The following TIAM2 variants were observed in gnomAD, a reference collection of about 807,000 sequenced individuals.
TIAM2 encodes the protein rho guanine nucleotide exchange factor TIAM2.
TIAM2 carries 80 observed loss-of-function variants against 152.9 expected under a neutral mutation model. That is an observed-to-expected ratio of 0.52 (90% CI 0.44 to 0.63). The LOEUF (loss-of-function observed/expected upper bound fraction) is 0.63. Ranked by LOEUF, TIAM2 falls within the 30% of genes least tolerant of loss-of-function variation. The pLI is 0.00. For missense variants in TIAM2, 1,965 were observed against 2,120.1 expected (o/e 0.93, Z 1.44); for synonymous variants, 804 against 838.0 (o/e 0.96, Z 0.70).
At chr6:155,028,864 A>AAT (rs1776713008) in intron 1 of TIAM2, among the ~76,000 whole-genome samples, 2 of 125,096 alleles carry the variant, frequency 1.6e-5, no homozygotes, top group African/African-American at 6.1e-5. Context: ...CACTGTATAT[A>AAT]CTATCTATAC....
chr6:155,188,127 C>T (rs1023381033), intron 14 of TIAM2, among the ~76,000 whole-genome samples: 7 of 152,308 alleles, frequency 4.6e-5, no homozygotes, highest in South Asian at 2.1e-4. Flanking sequence ...ATCTCTGTTG[C>T]GCATGTGTGT....
At chr6:155,016,911 C>T (rs1778599895) in intron 1 of TIAM2, among the ~76,000 whole-genome samples, 1 of 151,898 alleles carries the variant, frequency 6.6e-6, no homozygotes, top group Non-Finnish European at 1.5e-5. Context: ...AAATAAAAAT[C>T]AATAAATAAA....
chr6:155,152,792 C>T (rs965138282), intron 7 of TIAM2, among the ~76,000 whole-genome samples: 4 of 151,888 alleles, frequency 2.6e-5, no homozygotes, highest in Non-Finnish European at 4.4e-5. Flanking sequence ...CTGAGAGGCT[C>T]CTGGCCTGTT....
At chr6:155,044,531 T>C (rs927372329) in intron 1 of TIAM2, among the ~76,000 whole-genome samples, 4 of 152,174 alleles carry the variant, frequency 2.6e-5, no homozygotes, top group African/African-American at 9.7e-5. Flanking sequence ...GAAACTCATC[T>C]TGTGGCCAGG....
intron 15 of TIAM2, among the ~76,000 whole-genome samples, chr6:155,223,400 T>C (rs932782048): frequency 1.3e-5 from 2 of 152,168 alleles, no homozygotes; most frequent in Admixed American, 1.3e-4. Context: ...TTTATTTTTT[T>C]AATGTGCTAA....
intron 2 of TIAM2, among the ~76,000 whole-genome samples, chr6:155,093,402 G>T (rs1329866142): frequency 1.3e-5 from 2 of 152,186 alleles, no homozygotes; most frequent in Non-Finnish European, 2.9e-5. Context: ...TGTGGAAAGG[G>T]CGTCCTGTAC....
intron 2 of TIAM2, among the ~76,000 whole-genome samples, chr6:155,094,715 A>G (rs1212763970): frequency 6.8e-6 from 1 of 147,344 alleles, no homozygotes; most frequent in East Asian, 2.0e-4. Flanking sequence ...ATACCTGGCT[A>G]TATCTATGGT....
At chr6:155,243,899 T>C (rs1036129103) in intron 16 of TIAM2, 112 bp from the exon 17 acceptor site, 12 of 563,172 alleles carry the variant, frequency 2.1e-5, no homozygotes, top group Admixed American at 1.4e-4. Context: ...AGGCATAAAC[T>C]TCATTATCCT....
At chr6:155,134,946 C>T (rs1044074786) in intron 4 of TIAM2, among the ~76,000 whole-genome samples, 1 of 152,120 alleles carries the variant, frequency 6.6e-6, no homozygotes, top group African/African-American at 2.4e-5. Flanking sequence ...ACCTCATGAT[C>T]TGCCCACCTC....
At chr6:155,152,590 C>T (rs571080221) in intron 7 of TIAM2, among the ~76,000 whole-genome samples, 3 of 152,272 alleles carry the variant, frequency 2.0e-5, no homozygotes, top group South Asian at 2.1e-4. Context: ...TTCCAGGATC[C>T]GGCAGCCACA....
At chr6:155,027,979 T>C (rs1583157375) in intron 1 of TIAM2, among the ~76,000 whole-genome samples, 2 of 128,098 alleles carry the variant, frequency 1.6e-5, no homozygotes, top group East Asian at 4.3e-4. Context: ...ATAATATATG[T>C]ACTGTGTTAC....
At chr6:155,251,449 G>A (rs1783649450) in intron 22 of TIAM2, among the ~76,000 whole-genome samples, 1 of 151,992 alleles carries the variant, frequency 6.6e-6, no homozygotes, top group Non-Finnish European at 1.5e-5. Flanking sequence ...ACCACGCCCG[G>A]CTGATTTTTG....
At chr6:155,088,346 G>T (rs1319009783) in intron 1 of TIAM2, among the ~76,000 whole-genome samples, 1 of 152,116 alleles carries the variant, frequency 6.6e-6, no homozygotes, top group African/African-American at 2.4e-5. Flanking sequence ...CTCCCAAAGT[G>T]CTGGGATTAC....
At position 155,120,277 on chromosome 6, in the gene TIAM2, T is replaced by A. The variant is rs1351503857; in HGVS notation, c.-117-7213T>A. ...AATATGCATTTGGAAGGAGTCCCGC[T>A]GAATTCAAAGACGACCAGTGAGGCC... On this transcript the variant is annotated intron_variant, in intron 2 of 26. Coordinates refer to ENST00000682666, the MANE Select transcript of TIAM2 (RefSeq NM_012454.4). Among the ~76,000 whole-genome samples the A allele has an allele frequency of 1.3e-5, 2 of 152,260 alleles. 1 individual carries two copies. The highest frequency in any genetic ancestry group is 4.1e-4 in the South Asian group (2 of 4,832).
intron 15 of TIAM2, among the ~76,000 whole-genome samples, chr6:155,229,351 G>A (rs764121541): frequency 6.6e-6 from 1 of 152,162 alleles, no homozygotes; most frequent in South Asian, 2.1e-4. Context: ...AGAAGAACTT[G>A]AGACATTGAA....
At chr6:155,017,795 G>A (rs982823036) in intron 1 of TIAM2, among the ~76,000 whole-genome samples, 52 of 152,130 alleles carry the variant, frequency 3.4e-4, no homozygotes, top group Middle Eastern at 6.8e-3. Flanking sequence ...GAGCCACCAC[G>A]CCTGACTCTC....
chr6:155,240,311 G>A (rs1358191096), intron 15 of TIAM2, among the ~76,000 whole-genome samples: 5 of 152,228 alleles, frequency 3.3e-5, no homozygotes, highest in African/African-American at 9.6e-5. Flanking sequence ...GGAGAGCCTC[G>A]TGTGTAAACA....
chr6:155,240,339 C>T (rs554029812), intron 15 of TIAM2, among the ~76,000 whole-genome samples, 191 bp from the exon 16 acceptor site: 16 of 152,320 alleles, frequency 1.1e-4, no homozygotes, highest in South Asian at 6.2e-4. Context: ...TGAGTGTGGG[C>T]GCACATCTTC....
At chr6:155,244,961 A>T (rs1005527355) in intron 18 of TIAM2, 178 bp downstream of exon 18, 7 of 721,394 alleles carry the variant, frequency 9.7e-6, no homozygotes, top group Admixed American at 3.9e-5. Flanking sequence ...GGCTGTATAT[A>T]TTTTTTTTTC....
Sources: allele counts gnomAD v4.1 joint callset (sites outside exome capture counted in the v4.1 genomes callset), GRCh38; gene constraint gnomAD v4.1.1; transcripts MANE v1.5; gene names NCBI Gene and HGNC (gene_info 2026-07-23, HGNC 2026-07-21).